GLB1: variants seen among roughly 807,000 people sequenced by gnomAD.
The protein encoded by GLB1 is galactosidase beta 1.
GLB1 carries 56 observed loss-of-function variants against 74.0 expected under a neutral mutation model. The ratio of observed to expected loss-of-function variants is 0.76; its 90% CI spans 0.61 to 0.94. The LOEUF (loss-of-function observed/expected upper bound fraction) is 0.94. Among genes scored for constraint, GLB1 ranks in the 40% least tolerant of loss-of-function variants. The pLI is 0.00. For synonymous variants in GLB1, 323 were observed against 323.6 expected, an observed-to-expected ratio of 1.00 and a Z score of 0.02; for missense variants, 787 against 845.5, an observed-to-expected ratio of 0.93 and a Z score of 0.86.
intron 9 of GLB1, among the ~76,000 whole-genome samples, chr3:33,049,747 T>C (rs981105660): frequency 6.6e-6 from 1 of 152,144 alleles, no homozygotes; most frequent in Non-Finnish European, 1.5e-5. Context: ...CTGCATGCAT[T>C]AGCTATTCAT....
chr3:32,999,746 G>A (rs1696472821), intron 15 of GLB1, among the ~76,000 whole-genome samples: 1 of 152,194 alleles, frequency 6.6e-6, no homozygotes, highest in Non-Finnish European at 1.5e-5. Context: ...CACCTCCCAA[G>A]TTCAAGAGCT....
intron 15 of GLB1, 43 bp downstream of exon 15, chr3:33,014,013 A>C (rs1303392784): frequency 6.2e-7 from 1 of 1,613,956 alleles, no homozygotes; most frequent in South Asian, 1.1e-5. Context: ...TAACAACCAA[A>C]AGTTTAGGCC....
At chr3:32,969,272 C>T in the GLB1 span, among the ~76,000 whole-genome samples, 1 of 152,118 alleles carries the variant, frequency 6.6e-6, no homozygotes, top group Non-Finnish European at 1.5e-5. Context: ...CTCTGGCTAG[C>T]AAAAGGCCAA....
In GLB1 at chr3:33,093,485, T is replaced by C. The variant is rs981546007; in HGVS notation, c.75+3526A>G. 2.5e-6 allele frequency: 4 copies of C among 1,614,022 alleles called. No individual in the cohort carries two copies. The African/African-American group carries it at 4.0e-5, about 16-fold the overall frequency. On this transcript the variant is annotated intron_variant, in intron 1 of 15. Transcript: ENST00000307363. The surrounding 1 kb of genome is among the most constrained non-coding windows in gnomAD (Gnocchi z 6.0). ...CACCCACAATCACCGTGATGTCTGGTTCCAGCACATTCACCATCCTCACAA... is the reference window on the plus strand; with the variant it reads ...CACCCACAATCACCGTGATGTCTGGCTCCAGCACATTCACCATCCTCACAA...
chr3:32,991,447 A>C, the GLB1 span, among the ~76,000 whole-genome samples: 1 of 152,200 alleles, frequency 6.6e-6, no homozygotes, highest in Non-Finnish European at 1.5e-5. Flanking sequence ...ATTTCTTAAA[A>C]ATGGCCACAC....
At chr3:32,979,733 T>C in the GLB1 span, among the ~76,000 whole-genome samples, 2 of 151,650 alleles carry the variant, frequency 1.3e-5, no homozygotes, top group Non-Finnish European at 2.9e-5. Context: ...GTGCCTGTTG[T>C]CCCTGCTACT....
downstream of GLB1, among the ~76,000 whole-genome samples, chr3:32,994,726 G>A (rs7631407): frequency 2.6e-5 from 4 of 151,844 alleles, no homozygotes; most frequent in African/African-American, 9.7e-5. Context: ...TTTGAGACCA[G>A]CCTGACCAAC....
intron 14 of GLB1, among the ~76,000 whole-genome samples, chr3:33,015,346 T>G (rs901382590): frequency 9.9e-5 from 15 of 152,064 alleles, no homozygotes; most frequent in Non-Finnish European, 2.1e-4. Flanking sequence ...ATAACATACA[T>G]GAGAATACTG....
chr3:33,062,213 G>T (rs557400850), intron 5 of GLB1, among the ~76,000 whole-genome samples: 15 of 152,126 alleles, frequency 9.9e-5, no homozygotes, highest in Non-Finnish European at 2.1e-4. Flanking sequence ...GCCCAGGCTG[G>T]AGTGCAGTGA....
intron 1 of GLB1, chr3:33,077,075 A>G: frequency 7.4e-7 from 1 of 1,342,964 alleles, no homozygotes; most frequent in Non-Finnish European, 9.7e-7. Flanking sequence ...AAAAAAATTA[A>G]AATTAGTGTC....
chr3:33,070,257 T>A (rs548222366), intron 2 of GLB1, among the ~76,000 whole-genome samples: 1 of 152,318 alleles, frequency 6.6e-6, no homozygotes, highest in African/African-American at 2.4e-5. Flanking sequence ...GTTTTTAGCT[T>A]TTTGTAATTA....
chr3:33,064,931 C>CACATA (rs1170031105), intron 5 of GLB1, among the ~76,000 whole-genome samples: 1 of 152,070 alleles, frequency 6.6e-6, no homozygotes, highest in African/African-American at 2.4e-5. Flanking sequence ...GAGCCAAGAA[C>CACATA]ACATAGAAGA....
chr3:33,089,891 C>T (rs533903904), intron 1 of GLB1, among the ~76,000 whole-genome samples: 2 of 152,082 alleles, frequency 1.3e-5, no homozygotes, highest in South Asian at 4.2e-4. Flanking sequence ...TGGTTAAGAT[C>T]AACAACAACA....
chr3:32,980,301 C>T, the GLB1 span, among the ~76,000 whole-genome samples: 1 of 152,176 alleles, frequency 6.6e-6, no homozygotes, highest in Non-Finnish European at 1.5e-5. Context: ...ATCCTTGCAT[C>T]TTGGCTTCCT....
chr3:33,057,960 G>A, intron 6 of GLB1, 129 bp downstream of exon 6: 1 of 1,268,788 alleles, frequency 7.9e-7, no homozygotes, highest in Non-Finnish European at 1.1e-6. Flanking sequence ...TATTCTACCT[G>A]TTCCTTGAAA....
intron 11 of GLB1, among the ~76,000 whole-genome samples, chr3:33,023,673 A>C (rs1248261602): frequency 1.3e-5 from 2 of 152,260 alleles, no homozygotes; most frequent in East Asian, 1.9e-4. Flanking sequence ...TCCTCTGACT[A>C]TTAAGTAAAA....
At position 33,091,569 on chromosome 3, in the gene GLB1, C is replaced by T. The variant is rs142859087; in HGVS notation, c.75+5442G>A. 95 of 985,422 alleles carry T rather than the reference C, an allele frequency of 9.6e-5. No individual in the cohort carries two copies. In the African/African-American group the frequency reaches 1.3e-3, roughly 14 times the overall value. 61.0% of individuals were successfully genotyped at this position (985,422 alleles called of 1,614,324 possible). ...ATTAACATTGAGTGTTTACTGTGCACGCTGTGCCATGTGGAACTCATGCAC... is the reference window on the plus strand; with the variant it reads ...ATTAACATTGAGTGTTTACTGTGCATGCTGTGCCATGTGGAACTCATGCAC... On this transcript the variant is annotated intron_variant, in intron 1 of 15. Coordinates refer to ENST00000307363, the MANE Select transcript of GLB1 (RefSeq NM_000404.4).
intron 9 of GLB1, among the ~76,000 whole-genome samples, chr3:33,050,417 T>A (rs1487244466): frequency 6.6e-6 from 1 of 152,128 alleles, no homozygotes. Context: ...AATGGATAAA[T>A]AAAATACTGT....
intron 15 of GLB1, among the ~76,000 whole-genome samples, chr3:33,010,825 G>A (rs968350743): frequency 6.7e-6 from 1 of 149,458 alleles, no homozygotes. Context: ...CAAAATATGT[G>A]GAAATTAAAC....
Sources: allele counts gnomAD v4.1 joint callset (sites outside exome capture counted in the v4.1 genomes callset), GRCh38; gene constraint gnomAD v4.1.1; non-coding constraint Gnocchi (gnomAD v3.1); transcripts MANE v1.5; gene names NCBI Gene and HGNC (gene_info 2026-07-23, HGNC 2026-07-21).